Variants in GPC6 observed in about 807,000 individuals in gnomAD.
GPC6 encodes the protein glypican-6.
GPC6 carries 14 observed loss-of-function variants against 55.2 expected under a neutral mutation model. The ratio of observed to expected loss-of-function variants is 0.25; its 90% CI spans 0.17 to 0.40. The LOEUF is 0.40. Ranked by LOEUF, GPC6 falls within the 10% of genes least tolerant of loss-of-function variation. The probability of loss-of-function intolerance (pLI) is 1.00; values close to 1 mark genes in which losing one functional copy is unlikely to be tolerated. For missense variants in GPC6, 641 were observed against 708.5 expected, an observed-to-expected ratio of 0.90 and a Z score of 1.08; for synonymous variants, 278 against 259.6, an observed-to-expected ratio of 1.07 and a Z score of -0.68.
At chr13:93,304,375 G>T (rs1453098984) in intron 1 of GPC6, among the ~76,000 whole-genome samples, 4 of 152,202 alleles carry the variant, frequency 2.6e-5, no homozygotes. Flanking sequence ...TCTGCTGGTA[G>T]ATGGCAGTTG....
intron 5 of GPC6, among the ~76,000 whole-genome samples, chr13:94,288,857 A>ATAAAT (rs1874726811): frequency 4.3e-4 from 4 of 9,218 alleles, no homozygotes; most frequent in East Asian, 7.8e-3. Flanking sequence ...ATATATAATA[A>ATAAAT]ATATATATAT....
At chr13:93,464,011 A>G (rs942233840) in intron 1 of GPC6, among the ~76,000 whole-genome samples, 5 of 152,146 alleles carry the variant, frequency 3.3e-5, no homozygotes, top group Admixed American at 6.5e-5. Flanking sequence ...CAAATGTTTT[A>G]GTTTCCCAGT....
At chr13:94,047,002 T>C (rs966362897) in intron 4 of GPC6, among the ~76,000 whole-genome samples, 1 of 152,176 alleles carries the variant, frequency 6.6e-6, no homozygotes, top group Non-Finnish European at 1.5e-5. Context: ...TTTAAATCTA[T>C]AGTGTTTTTT....
chr13:93,914,297 A>G (rs1007998939), intron 3 of GPC6, among the ~76,000 whole-genome samples: 2 of 151,594 alleles, frequency 1.3e-5, no homozygotes, highest in Non-Finnish European at 2.9e-5. Flanking sequence ...ATTGCCGCCT[A>G]TAAGTGAGAA....
chr13:94,095,236 T>A (rs1885618081), intron 4 of GPC6, among the ~76,000 whole-genome samples: 1 of 152,084 alleles, frequency 6.6e-6, no homozygotes, highest in Non-Finnish European at 1.5e-5. Context: ...TGCTAACATA[T>A]GCTATATAAA....
intron 3 of GPC6, among the ~76,000 whole-genome samples, chr13:93,874,765 C>T (rs2140304495): frequency 6.6e-6 from 1 of 151,770 alleles, no homozygotes; most frequent in South Asian, 2.1e-4. Flanking sequence ...GTTCACATCT[C>T]CTTCTTCATA....
chr13:93,255,451 T>C (rs935229589), intron 1 of GPC6, among the ~76,000 whole-genome samples: 4 of 152,242 alleles, frequency 2.6e-5, no homozygotes, highest in Non-Finnish European at 5.9e-5. Flanking sequence ...ATTTCAGATT[T>C]TGTTTTTCTT....
chr13:93,796,926 G>C (rs550699807), intron 2 of GPC6, among the ~76,000 whole-genome samples: 13 of 152,282 alleles, frequency 8.5e-5, no homozygotes, highest in Non-Finnish European at 1.8e-4. Context: ...TCCGTTTCTG[G>C]TATCAACAAA....
chr13:94,193,128 T>A (rs894238874), intron 4 of GPC6, among the ~76,000 whole-genome samples: 7 of 151,510 alleles, frequency 4.6e-5, no homozygotes, highest in African/African-American at 1.7e-4. Flanking sequence ...TTATCCAACT[T>A]CAAAACTATT....
chr13:93,828,485 TATAA>T (rs1198474001), intron 2 of GPC6, among the ~76,000 whole-genome samples: 1 of 152,138 alleles, frequency 6.6e-6, no homozygotes, highest in Non-Finnish European at 1.5e-5. Flanking sequence ...ATACAGCATA[TATAA>T]ATATTTTGAT....
At chr13:93,832,743 G>A (rs1208413888) in intron 3 of GPC6, among the ~76,000 whole-genome samples, 3 of 152,072 alleles carry the variant, frequency 2.0e-5, no homozygotes, top group Admixed American at 6.5e-5. Context: ...AGTCTAACAC[G>A]CTATTCCTTC....
intron 7 of GPC6, among the ~76,000 whole-genome samples, chr13:94,383,389 C>T (rs1880263305): frequency 1.3e-5 from 2 of 152,100 alleles, no homozygotes; most frequent in Admixed American, 1.3e-4. Context: ...TGGGGCTTGA[C>T]TGAGCAGTTT....
At chr13:93,299,868 T>C (rs1337838648) in intron 1 of GPC6, among the ~76,000 whole-genome samples, 1 of 152,234 alleles carries the variant, frequency 6.6e-6, no homozygotes, top group East Asian at 1.9e-4. Context: ...AGTTATTCTC[T>C]AAGCAGATAT....
At chr13:93,562,392 A>G (rs193051910) in intron 2 of GPC6, among the ~76,000 whole-genome samples, 18 of 152,308 alleles carry the variant, frequency 1.2e-4, no homozygotes, top group Admixed American at 8.5e-4. Context: ...TGCCTTTGAA[A>G]TTGAAACAGG....
intron 8 of GPC6, 138 bp from the exon 9 acceptor site, chr13:94,402,877 G>A (rs1282186879): frequency 3.9e-6 from 3 of 778,322 alleles, no homozygotes; most frequent in East Asian, 4.9e-5. Context: ...CCACCACCAT[G>A]ATTGAATTAC....
intron 1 of GPC6, among the ~76,000 whole-genome samples, chr13:93,365,223 G>A (rs9561331): frequency 0.15 from 22,391 of 151,910 alleles, 1,890 homozygotes; most frequent in East Asian, 0.42. Flanking sequence ...CACTCTCCCT[G>A]ACACTCTTCC....
intron 2 of GPC6, among the ~76,000 whole-genome samples, chr13:93,720,125 T>A (rs1341092115): frequency 1.3e-5 from 2 of 152,108 alleles, no homozygotes; most frequent in Admixed American, 6.6e-5. Context: ...TTCCCTCTTT[T>A]TCTATTGTTT....
intron 4 of GPC6, among the ~76,000 whole-genome samples, chr13:94,085,271 G>A (rs376994296): frequency 3.1e-5 from 4 of 129,188 alleles, no homozygotes; most frequent in South Asian, 4.9e-4. Flanking sequence ...GCAGTGAGCC[G>A]AGATCACGCC....
At chr13:93,816,662 A>G (rs1886861482) in intron 2 of GPC6, among the ~76,000 whole-genome samples, 1 of 151,406 alleles carries the variant, frequency 6.6e-6, no homozygotes, top group African/African-American at 2.4e-5. Context: ...ATAGCCATCT[A>G]CTTAAATTTT....
Sources: allele counts gnomAD v4.1 joint callset (sites outside exome capture counted in the v4.1 genomes callset), GRCh38; gene constraint gnomAD v4.1.1; transcripts MANE v1.5; gene names NCBI Gene and HGNC (gene_info 2026-07-23, HGNC 2026-07-21).